Variants in LVRN observed in about 807,000 individuals in gnomAD.
The protein encoded by LVRN is aminopeptidase Q.
In LVRN, 99 loss-of-function variants were observed where a neutral mutation model predicts 111.4. That is an observed-to-expected ratio of 0.89 (90% CI 0.76 to 1.05). The LOEUF (loss-of-function observed/expected upper bound fraction) is 1.05. LVRN is among the 50% of genes least tolerant of loss of function. LVRN has a pLI of 0.00. For synonymous variants in LVRN, 488 were observed against 449.5 expected (o/e 1.09, Z -1.08); for missense variants, 1,414 against 1,206.8 (o/e 1.17, Z -2.54).
rs750451334 is a variant in LVRN at position 115,984,655 on chromosome 5, C to A, written c.924C>A (p.Val308=). 6.8e-6 allele frequency: 11 copies of A among 1,613,474 alleles called. No homozygotes were observed. The highest frequency in any genetic ancestry group is 1.7e-5 in the Admixed American group (1 of 59,900). The change falls in exon 3 of 20, where the codon GTC becomes GTA. Residue 308 remains valine (V), a synonymous_variant. Transcript: ENST00000357872. The stretch of plus-strand genomic sequence containing the variant: ...CGCCCCACATGCCAACTTACTTAGT[C>A]GCATTTGTTATATGTGACTATGACC... The part of the protein sequence containing the change: ...STTPHMPTYL[V]AFVICDYDHV...
At chr5:115,990,289 A>G (rs1057507528) in intron 4 of LVRN, among the ~76,000 whole-genome samples, 1 of 152,184 alleles carries the variant, frequency 6.6e-6, no homozygotes, top group Non-Finnish European at 1.5e-5. Flanking sequence ...CTATGCCTAT[A>G]CCAATATTAA....
intron 1 of LVRN, among the ~76,000 whole-genome samples, chr5:115,973,218 C>T (rs1753364611): frequency 6.6e-6 from 1 of 152,242 alleles, no homozygotes; most frequent in Non-Finnish European, 1.5e-5. Context: ...GCATGAGCCA[C>T]TGCACCCAGT....
intron 12 of LVRN, among the ~76,000 whole-genome samples, chr5:116,005,450 T>A (rs1748340800): frequency 1.3e-5 from 2 of 152,236 alleles, no homozygotes; most frequent in Non-Finnish European, 2.9e-5. Context: ...GTCACGTTAG[T>A]AAAATCTTAA....
At chr5:115,986,607 T>C (rs1747870388) in intron 3 of LVRN, among the ~76,000 whole-genome samples, 1 of 152,166 alleles carries the variant, frequency 6.6e-6, no homozygotes, top group African/African-American at 2.4e-5. Context: ...ATGGGTCCAT[T>C]ATATACTCTG....
chr5:115,986,647 G>C (rs914596752), intron 3 of LVRN, among the ~76,000 whole-genome samples: 1 of 152,178 alleles, frequency 6.6e-6, no homozygotes, highest in African/African-American at 2.4e-5. Flanking sequence ...ACTTGGAATA[G>C]AGTCCAGCCC....
chr5:116,002,024 GTAAT>G lies in LVRN; in HGVS notation c.1820+791_1820+794del, dbSNP rs140983145. Among the ~76,000 whole-genome samples the G allele has an allele frequency of 2.4e-3, 361 of 152,264 alleles. 1 individual carries two copies. The highest frequency in any genetic ancestry group is 8.4e-3 in the African/African-American group (347 of 41,544). On this transcript the variant is annotated intron_variant, in intron 10 of 19. Coordinates refer to ENST00000357872, the MANE Select transcript of LVRN (RefSeq NM_173800.5). ...TTCATTGCAGTATCAGCACAAATGA[GTAAT>G]TAATTTTCAAATACAATCACCAAAA...
chr5:115,985,357 C>T (rs1434747020), intron 3 of LVRN, among the ~76,000 whole-genome samples: 1 of 151,984 alleles, frequency 6.6e-6, no homozygotes, highest in African/African-American at 2.4e-5. Context: ...CTTGGGTGGC[C>T]ACAAGACAAG....
At chr5:116,019,761 G>C (rs1311505964) in intron 18 of LVRN, 1 of 152,194 alleles carries the variant, frequency 6.6e-6, no homozygotes, top group Non-Finnish European at 1.5e-5. Context: ...GGGATCTTGT[G>C]CTCCATTTCT....
At chr5:116,019,082 G>T (rs975250104) in intron 18 of LVRN, among the ~76,000 whole-genome samples, 2 of 152,176 alleles carry the variant, frequency 1.3e-5, no homozygotes, top group African/African-American at 2.4e-5. Context: ...CACAAACCTA[G>T]ATGGTAGAGC....
chr5:115,968,419 C>T (rs1442045974), intron 1 of LVRN, among the ~76,000 whole-genome samples: 1 of 147,562 alleles, frequency 6.8e-6, no homozygotes. Context: ...AATATTGAGC[C>T]AGCCTTAGTT....
In LVRN at chr5:115,976,361, T is replaced by C. The variant is rs769264925; in HGVS notation, c.696-6926T>C. The stretch of plus-strand genomic sequence containing the variant: ...CTGTTGTAGGACTGGTGTCAAGATT[T>C]ATCTATTTTACTAATCTTCTTGTAG... On this transcript the variant is annotated intron_variant, in intron 1 of 19. Coordinates refer to ENST00000357872, the MANE Select transcript of LVRN (RefSeq NM_173800.5). 2.7e-4 allele frequency: 41 copies of C among 152,356 alleles called. 1 individual carries two copies. The highest frequency in any genetic ancestry group is 3.8e-4 in the Non-Finnish European group (26 of 68,042). The allele number at this position is 152,356 out of a possible 1,614,324, so 9.4% of individuals were successfully genotyped here. A position where few individuals can be genotyped will look rare whatever the true frequency, so the allele number is the denominator to read the frequency against.
chr5:115,967,489 G>A (rs1030006059), intron 1 of LVRN, among the ~76,000 whole-genome samples: 3 of 152,152 alleles, frequency 2.0e-5, no homozygotes, highest in African/African-American at 7.2e-5. Context: ...CATAGGTGTT[G>A]ATTCCTGTGC....
At chr5:116,018,307 G>A (rs1313647052) in intron 18 of LVRN, among the ~76,000 whole-genome samples, 2 of 152,218 alleles carry the variant, frequency 1.3e-5, no homozygotes, top group East Asian at 3.9e-4. Flanking sequence ...GTAAGAAAAT[G>A]CATACTTCTT....
Position 116,026,797 on chromosome 5 carries a change from G to A in LVRN, c.*679G>A, listed in dbSNP as rs1748876728. ...AAGACAAATGATTGTAGGATCCATG[G>A]AAGTGCACTTAGGCTTGCTGTGGTG... On this transcript the variant is annotated 3_prime_UTR_variant, in exon 20 of 20. Transcript: ENST00000357872. The A allele has an allele frequency of 6.5e-6, 1 of 152,706 alleles. No homozygotes were observed. Among genetic ancestry groups the A allele is most frequent in the Non-Finnish European group, 1.5e-5 (1 of 68,514 alleles). The allele number at this position is 152,706 out of a possible 1,614,324, so 9.5% of individuals were successfully genotyped here.
intron 12 of LVRN, among the ~76,000 whole-genome samples, chr5:116,005,177 A>G (rs1346767750): frequency 1.3e-5 from 2 of 152,240 alleles, no homozygotes; most frequent in Non-Finnish European, 2.9e-5. Context: ...AAATTAAACT[A>G]TACCAACTGA....
intron 4 of LVRN, among the ~76,000 whole-genome samples, chr5:115,991,248 A>G (rs1747979177): frequency 6.6e-6 from 1 of 152,130 alleles, no homozygotes; most frequent in African/African-American, 2.4e-5. Context: ...TCTTTTTATT[A>G]TCTTTAGAGT....
chr5:115,992,362 C>A (rs762770680), intron 5 of LVRN, 85 bp downstream of exon 5: 2 of 1,426,524 alleles, frequency 1.4e-6, no homozygotes, highest in Non-Finnish European at 2.0e-6. Context: ...CCAGTAAGAC[C>A]CTGCCATATA....
rs371847758 is a variant in LVRN at position 116,000,418 on chromosome 5, C to T, written c.1516-15C>T. The stretch of plus-strand genomic sequence containing the variant: ...TGAATTTTGTTCAAATAATGGACAG[C>T]TTCTTTTGTCCTAGGGAGCGTCTAT... On this transcript the variant is annotated splice_polypyrimidine_tract_variant and intron_variant, in intron 7 of 19. Transcript: ENST00000357872. 1.2e-6 allele frequency: 2 copies of T among 1,613,602 alleles called. No homozygotes were observed. Among genetic ancestry groups the T allele is most frequent in the Non-Finnish European group, 1.7e-6 (2 of 1,179,530 alleles).
chr5:115,998,856 T>C (rs1748175234), intron 6 of LVRN, among the ~76,000 whole-genome samples: 1 of 152,218 alleles, frequency 6.6e-6, no homozygotes, highest in Admixed American at 6.5e-5. Context: ...AGTTTGATAA[T>C]GGCCTAATCA....
Sources: allele counts gnomAD v4.1 joint callset (sites outside exome capture counted in the v4.1 genomes callset), GRCh38; gene constraint gnomAD v4.1.1; transcripts MANE v1.5; gene names NCBI Gene and HGNC (gene_info 2026-07-23, HGNC 2026-07-21).